The following LRRFIP2 variants were observed in gnomAD, a reference collection of about 807,000 sequenced individuals.
LRRFIP2 encodes leucine-rich repeat flightless-interacting protein 2.
In LRRFIP2, 109 loss-of-function variants were observed where a neutral mutation model predicts 125.9. The ratio of observed to expected loss-of-function variants is 0.87; its 90% CI spans 0.74 to 1.01. The LOEUF (loss-of-function observed/expected upper bound fraction) is 1.01. LRRFIP2 is among the 50% of genes least tolerant of loss of function. The probability of loss-of-function intolerance (pLI) is 0.00; values close to 1 mark genes in which losing one functional copy is unlikely to be tolerated. For missense variants in LRRFIP2, 850 were observed against 862.3 expected, an observed-to-expected ratio of 0.99 and a Z score of 0.18; for synonymous variants, 291 against 293.1, an observed-to-expected ratio of 0.99 and a Z score of 0.07.
chr3:37,083,491 T>C (rs532035571), intron 19 of LRRFIP2, 145 bp downstream of exon 19: 2 of 494,636 alleles, frequency 4.0e-6, no homozygotes, highest in Non-Finnish European at 7.0e-6. Flanking sequence ...GGGCCTGATA[T>C]CTCATGGTGT....
chr3:37,079,140 CT>C (rs1282230078), intron 19 of LRRFIP2, among the ~76,000 whole-genome samples: 4 of 152,064 alleles, frequency 2.6e-5, no homozygotes, highest in Non-Finnish European at 4.4e-5. Context: ...GACAAAGGAT[CT>C]GAATAGACAT....
At chr3:37,175,338 AC>A (rs1177406419), upstream of LRRFIP2, 1 of 152,230 alleles carries the variant, frequency 6.6e-6, no homozygotes, top group Non-Finnish European at 1.5e-5. Context: ...CTCAAAGAAA[AC>A]CAGCTACTAA....
intron 20 of LRRFIP2, among the ~76,000 whole-genome samples, chr3:37,074,581 C>A (rs1002785176): frequency 2.0e-5 from 3 of 152,202 alleles, no homozygotes; most frequent in Non-Finnish European, 4.4e-5. Context: ...TTCAGACTAA[C>A]CATTCTTTAC....
chr3:37,146,467 T>C (rs1179407461), intron 2 of LRRFIP2, among the ~76,000 whole-genome samples: 4 of 152,138 alleles, frequency 2.6e-5, no homozygotes, highest in African/African-American at 4.8e-5. Context: ...CTCACCCCAC[T>C]GTGCTCCCTC....
chr3:37,061,552 G>A (rs553010828), intron 24 of LRRFIP2, among the ~76,000 whole-genome samples: 32 of 151,512 alleles, frequency 2.1e-4, no homozygotes, highest in African/African-American at 7.7e-4. Flanking sequence ...CACCATGCCC[G>A]GCTAATTTTT....
chr3:37,071,595 G>A, intron 21 of LRRFIP2, among the ~76,000 whole-genome samples: 1 of 152,144 alleles, frequency 6.6e-6, no homozygotes, highest in East Asian at 1.9e-4. Context: ...CTGACTACTG[G>A]TTGGGCTTCA....
chr3:37,113,716 T>G (rs2094644308), intron 7 of LRRFIP2, among the ~76,000 whole-genome samples: 2 of 152,178 alleles, frequency 1.3e-5, no homozygotes, highest in African/African-American at 4.8e-5. Flanking sequence ...GAACATGACA[T>G]TAAACTGTCC....
chr3:37,169,483 T>C (rs1484234146), intron 1 of LRRFIP2, among the ~76,000 whole-genome samples: 3 of 152,202 alleles, frequency 2.0e-5, no homozygotes, highest in Non-Finnish European at 2.9e-5. Flanking sequence ...GTCACTTAAC[T>C]GGGATACTCA....
intron 2 of LRRFIP2, among the ~76,000 whole-genome samples, chr3:37,129,517 A>T (rs2095372051): frequency 6.6e-6 from 1 of 152,198 alleles, no homozygotes; most frequent in African/African-American, 2.4e-5. Flanking sequence ...CATTTTGGAC[A>T]CTGCCAATAA....
chr3:37,121,409 A>G lies in LRRFIP2; in HGVS notation c.330+83T>C, dbSNP rs1417292537. 1.5e-5 allele frequency: 19 copies of G among 1,275,390 alleles called. 1 individual carries two copies. In the East Asian group the frequency reaches 4.4e-4, roughly 30 times the overall value. 79.0% of individuals were successfully genotyped at this position (1,275,390 alleles called of 1,614,324 possible). A position where few individuals can be genotyped will look rare whatever the true frequency, so the allele number is the denominator to read the frequency against. On this transcript the variant is annotated intron_variant, in intron 6 of 27. Coordinates refer to ENST00000336686, the MANE Select transcript of LRRFIP2 (RefSeq NM_006309.4). ...TTTAAAAACGCAAAGAAATACAGGA[A>G]CATTGTCAGATTGTTTAGGCAACAT...
At chr3:37,153,928 G>C (rs990934937) in intron 1 of LRRFIP2, among the ~76,000 whole-genome samples, 1 of 150,436 alleles carries the variant, frequency 6.6e-6, no homozygotes, top group South Asian at 2.1e-4. Flanking sequence ...TAAAAGAACT[G>C]TATTATTTGG....
chr3:37,119,054 T>C (rs1235094855), intron 6 of LRRFIP2, among the ~76,000 whole-genome samples: 2 of 152,226 alleles, frequency 1.3e-5, no homozygotes, highest in African/African-American at 4.8e-5. Flanking sequence ...TTCTTTTAAA[T>C]GAAATTAGTA....
In LRRFIP2 at chr3:37,109,866, C is replaced by G. The variant is rs56297162; in HGVS notation, c.514-163G>C. Among the ~76,000 whole-genome samples the G allele has an allele frequency of 2.7e-3, 417 of 152,210 alleles. 2 individuals are homozygous for G. The highest frequency in any genetic ancestry group is 4.5e-3 in the Non-Finnish European group (306 of 67,998). On this transcript the variant is annotated intron_variant, in intron 9 of 27. Coordinates refer to ENST00000336686, the MANE Select transcript of LRRFIP2 (RefSeq NM_006309.4). ...TAAGAAACACAAGAAATAAGAAAAA[C>G]TTAAGTAATTAGAAATTGTTTTGAA...
intron 6 of LRRFIP2, among the ~76,000 whole-genome samples, chr3:37,115,327 T>C (rs1383261974): frequency 1.3e-5 from 2 of 152,216 alleles, no homozygotes; most frequent in African/African-American, 4.8e-5. Flanking sequence ...TTATTTTTCT[T>C]TTAAACAACA....
At chr3:37,157,490 C>T (rs1372743332) in intron 1 of LRRFIP2, among the ~76,000 whole-genome samples, 1 of 151,294 alleles carries the variant, frequency 6.6e-6, no homozygotes, top group Admixed American at 6.6e-5. Context: ...AAAATGGCTC[C>T]AACCAGAAGA....
At chr3:37,170,914 A>T (rs1475532277) in intron 1 of LRRFIP2, 1 of 152,184 alleles carries the variant, frequency 6.6e-6, no homozygotes, top group Non-Finnish European at 1.5e-5. Context: ...TTTCTACAAA[A>T]AATACAAAAA....
At chr3:37,126,521 G>A (rs927539551) in intron 4 of LRRFIP2, among the ~76,000 whole-genome samples, 6 of 151,502 alleles carry the variant, frequency 4.0e-5, no homozygotes, top group South Asian at 4.2e-4. Context: ...AAAATCTAGC[G>A]TACTCACTGC....
rs1252365711 is a variant in LRRFIP2 at position 37,108,095 on chromosome 3, C to A, written c.692G>T (p.Ser231Ile). Residue 231 changes from serine to isoleucine, a missense_variant, in exon 13 of 28, where the codon AGT becomes ATT. Transcript: ENST00000336686. ...SECSYYSSRI[S>I]SARSSPGFTN... ...CACCCCTGGACTGCTTCGGGCTGAA[C>A]TTATTCTTGATGAATAATAACTGCA... 1 of 1,613,958 alleles carries A rather than the reference C, an allele frequency of 6.2e-7. No individual in the cohort carries two copies. The highest frequency in any genetic ancestry group is 8.5e-7 in the Non-Finnish European group (1 of 1,179,908).
At chr3:37,156,019 C>T (rs1483003911) in intron 1 of LRRFIP2, among the ~76,000 whole-genome samples, 2 of 152,134 alleles carry the variant, frequency 1.3e-5, no homozygotes, top group South Asian at 2.1e-4. Flanking sequence ...GTACAACAGG[C>T]GTACACCACT....
Sources: allele counts gnomAD v4.1 joint callset (sites outside exome capture counted in the v4.1 genomes callset), GRCh38; gene constraint gnomAD v4.1.1; transcripts MANE v1.5; gene names NCBI Gene and HGNC (gene_info 2026-07-23, HGNC 2026-07-21).